PATJ: variants seen among roughly 807,000 people sequenced by gnomAD.
PATJ encodes inaD-like protein.
PATJ carries 190 observed loss-of-function variants against 224.9 expected under a neutral mutation model. That is an observed-to-expected ratio of 0.84 (90% confidence interval 0.75 to 0.95). The LOEUF (loss-of-function observed/expected upper bound fraction) is 0.95, where lower values mean the gene tolerates loss of function less well. Ranked by LOEUF, PATJ falls within the 40% of genes least tolerant of loss-of-function variation. The pLI is 0.00. For missense variants in PATJ, 2,121 were observed against 2,270.3 expected (o/e 0.93, Z 1.34); for synonymous variants, 769 against 820.3 (o/e 0.94, Z 1.07).
chr1:61,822,713 C>T (rs1351342702), intron 14 of PATJ, among the ~76,000 whole-genome samples: 1 of 152,178 alleles, frequency 6.6e-6, no homozygotes, highest in Non-Finnish European at 1.5e-5. Context: ...AGACTGTATA[C>T]ATCTGTCTCC....
chr1:61,756,522 A>G (rs1283055896), intron 1 of PATJ, among the ~76,000 whole-genome samples: 1 of 148,880 alleles, frequency 6.7e-6, no homozygotes, highest in Non-Finnish European at 1.5e-5. Context: ...TTTGAGAACC[A>G]CTAACCTAGG....
intron 27 of PATJ, among the ~76,000 whole-genome samples, chr1:61,984,161 A>ATTTTTT (rs760341540): frequency 3.9e-5 from 5 of 129,624 alleles, no homozygotes; most frequent in Non-Finnish European, 6.4e-5. Flanking sequence ...TATTATTATT[A>ATTTTTT]TTATTTTTTT....
chr1:62,108,331 TATAAC>T (rs2148870125), intron 33 of PATJ, 101 bp from the exon 34 acceptor site: 2 of 546,252 alleles, frequency 3.7e-6, no homozygotes, highest in Non-Finnish European at 6.5e-6. Flanking sequence ...TCAGATAAAA[TATAAC>T]ATTATTAACA....
At chr1:61,991,223 T>C (rs529615806) in intron 28 of PATJ, among the ~76,000 whole-genome samples, 1 of 151,366 alleles carries the variant, frequency 6.6e-6, no homozygotes, top group Non-Finnish European at 1.5e-5. Flanking sequence ...ATGATGACAA[T>C]AACAGCTAAA....
chr1:62,127,530 G>GT (rs1370763811), intron 39 of PATJ, among the ~76,000 whole-genome samples: 1 of 152,022 alleles, frequency 6.6e-6, no homozygotes, highest in East Asian at 1.9e-4. Flanking sequence ...CTGGGGCTGG[G>GT]TAGGGTAGTT....
At chr1:62,123,138 T>G in intron 39 of PATJ, 80 bp downstream of exon 39, 8 of 973,166 alleles carry the variant, frequency 8.2e-6, no homozygotes, top group Non-Finnish European at 1.3e-5. Context: ...CCAATACAGT[T>G]TATTGGATTG....
At chr1:61,941,984 C>T (rs1677886701) in intron 27 of PATJ, among the ~76,000 whole-genome samples, 1 of 152,138 alleles carries the variant, frequency 6.6e-6, no homozygotes, top group Non-Finnish European at 1.5e-5. Flanking sequence ...TGTTTTCATT[C>T]TTAACATGTG....
intron 1 of PATJ, among the ~76,000 whole-genome samples, chr1:61,761,526 G>T (rs76652762): frequency 6.6e-6 from 1 of 152,184 alleles, no homozygotes; most frequent in Admixed American, 6.5e-5. Context: ...AGGAAGACCC[G>T]AAGAAACAGT....
intron 27 of PATJ, among the ~76,000 whole-genome samples, chr1:61,928,981 A>T (rs1279932635): frequency 2.0e-5 from 3 of 152,194 alleles, no homozygotes; most frequent in African/African-American, 7.2e-5. Flanking sequence ...CTATGAAGTG[A>T]ATAACACATT....
intron 5 of PATJ, among the ~76,000 whole-genome samples, chr1:61,770,877 T>C (rs1465194734): frequency 6.7e-6 from 1 of 149,586 alleles, no homozygotes; most frequent in Non-Finnish European, 1.5e-5. Context: ...GCCATTGTAC[T>C]CCAGCCTGGG....
chr1:61,839,009 A>T (rs1660658441), intron 17 of PATJ, among the ~76,000 whole-genome samples: 1 of 152,158 alleles, frequency 6.6e-6, no homozygotes, highest in Non-Finnish European at 1.5e-5. Context: ...GTCATTTTAG[A>T]AGTGAAGAAA....
chr1:62,150,679 GAAAAA>G (rs56167585), intron 42 of PATJ, among the ~76,000 whole-genome samples: 1 of 82,008 alleles, frequency 1.2e-5, no homozygotes. Context: ...CCTGTCTCAA[GAAAAA>G]AAAAAAAAAA....
intron 25 of PATJ, among the ~76,000 whole-genome samples, chr1:61,909,352 G>A (rs1672288793): frequency 6.6e-6 from 1 of 152,192 alleles, no homozygotes; most frequent in Non-Finnish European, 1.5e-5. Flanking sequence ...GTCAGTGGCA[G>A]GATGTGGATT....
chr1:62,118,271 T>A (rs1284609547), intron 37 of PATJ, among the ~76,000 whole-genome samples: 2 of 151,774 alleles, frequency 1.3e-5, no homozygotes, highest in Non-Finnish European at 2.9e-5. Context: ...ATTCCATGAG[T>A]TAATAGTTAG....
chr1:61,764,209 C>G (rs1293778878), intron 3 of PATJ, among the ~76,000 whole-genome samples: 2 of 152,106 alleles, frequency 1.3e-5, no homozygotes, highest in Non-Finnish European at 2.9e-5. Flanking sequence ...ACAATAGTCA[C>G]ACTTCTCTTA....
chr1:62,095,317 G>A (rs1570570363), intron 33 of PATJ, among the ~76,000 whole-genome samples: 2 of 152,268 alleles, frequency 1.3e-5, no homozygotes, highest in East Asian at 3.9e-4. Context: ...ATTAAGTAGT[G>A]CTTAATCTTT....
At chr1:62,134,330 C>CTTTTTTTTTTTTT (rs779235130) in intron 41 of PATJ, among the ~76,000 whole-genome samples, 3 of 96,510 alleles carry the variant, frequency 3.1e-5, no homozygotes, top group African/African-American at 8.6e-5. Flanking sequence ...CCAGCCCTCT[C>CTTTTTTTTTTTTT]TTTTTTTTTT....
chr1:62,046,603 C>T (rs1570308382), intron 30 of PATJ, among the ~76,000 whole-genome samples: 1 of 152,214 alleles, frequency 6.6e-6, no homozygotes, highest in South Asian at 2.1e-4. Context: ...CCCAGATGCT[C>T]GATTCAAGGA....
intron 26 of PATJ, among the ~76,000 whole-genome samples, chr1:61,922,705 A>G (rs1674507070): frequency 6.6e-6 from 1 of 152,204 alleles, no homozygotes; most frequent in South Asian, 2.1e-4. Context: ...TGTGGTTAAG[A>G]AGGGTTCTTC....
Sources: allele counts gnomAD v4.1 joint callset (sites outside exome capture counted in the v4.1 genomes callset), GRCh38; gene constraint gnomAD v4.1.1; transcripts MANE v1.5; gene names NCBI Gene and HGNC (gene_info 2026-07-23, HGNC 2026-07-21).